Variants in DEFB112 observed in about 807,000 individuals in gnomAD.
The protein encoded by DEFB112 is defensin beta 112.
DEFB112 carries 2 observed loss-of-function variants against 1.1 expected under a neutral mutation model. The observed-to-expected ratio is 1.85, with a 90% CI of 0.76 to 5.83. The LOEUF is 5.83. Among genes scored for constraint, DEFB112 ranks in the 30% most tolerant of loss-of-function variants. DEFB112 has a pLI of 0.05. For missense variants in DEFB112, 120 were observed against 94.4 expected, an observed-to-expected ratio of 1.27 and a Z score of -1.12; for synonymous variants, 40 against 31.2, an observed-to-expected ratio of 1.28 and a Z score of -0.93.
At position 50,043,768 on chromosome 6, in the gene DEFB112, C is replaced by G; in HGVS notation, c.92G>C (p.Arg31Thr). The G allele has an allele frequency of 6.2e-7, 1 of 1,613,416 alleles. No homozygotes were observed. The highest frequency in any genetic ancestry group is 8.5e-7 in the Non-Finnish European group (1 of 1,179,498). Residue 31 changes from arginine to threonine, a missense_variant, in exon 2 of 2, where the codon AGG becomes ACG. Coordinates refer to ENST00000651554, the MANE Select transcript of DEFB112 (RefSeq NM_001369057.2). ...TCCAATCGCTGTACATGACTTCCAC[C>G]TACTAAAGGTGATATGGTGCCCTTC... ...RSEGHHITFS[R>T]WKSCTAIGGR...
At chr6:50,048,591 T>C (rs1774875512) in intron 1 of DEFB112, 1 of 1,613,734 alleles carries the variant, frequency 6.2e-7, no homozygotes, top group East Asian at 2.2e-5. Context: ...GTGGAAGATG[T>C]ATTTGTCTTT....
rs146541142 is a variant in DEFB112, at chr6:50,043,871, G to T, written c.59-70C>A. Reference sequence around the variant, plus strand: ...ACTCCCAAGATTTAAAAGAAGACATGGGAGTAATCACAGACAACAGAGGAG... The same window carrying T: ...ACTCCCAAGATTTAAAAGAAGACATTGGAGTAATCACAGACAACAGAGGAG... On this transcript the variant is annotated intron_variant, in intron 1 of 1. Coordinates refer to ENST00000651554, the MANE Select transcript of DEFB112 (RefSeq NM_001369057.2). The T allele has an allele frequency of 3.5e-4, 453 of 1,299,980 alleles. 1 individual carries two copies. The African/African-American group carries it at 5.8e-3, about 17-fold the overall frequency. 80.5% of individuals were successfully genotyped at this position (1,299,980 alleles called of 1,614,324 possible).
In DEFB112 at chr6:50,042,276, G is replaced by A. The variant is rs139126816; in HGVS notation, c.*1299C>T. On this transcript the variant is annotated 3_prime_UTR_variant, in exon 2 of 2. Coordinates refer to ENST00000651554, the MANE Select transcript of DEFB112 (RefSeq NM_001369057.2). ...AAATTGACACTGGTCAGAGAGCATA[G>A]TATTATACATATCAGGAATATCATA... Among the ~76,000 whole-genome samples the A allele has an allele frequency of 6.6e-6, 1 of 152,074 alleles. No individual in the cohort carries two copies. The highest frequency in any genetic ancestry group is 1.9e-4 in the East Asian group (1 of 5,172).
intron 1 of DEFB112, among the ~76,000 whole-genome samples, chr6:50,046,640 A>G: frequency 6.6e-6 from 1 of 151,732 alleles, no homozygotes; most frequent in East Asian, 1.9e-4. Context: ...TTTTTTTCAT[A>G]TTTCTGCTGA....
In DEFB112 at chr6:50,043,237, T is replaced by C. The variant is rs1230980293; in HGVS notation, c.*338A>G. ...TCAACTCTGTCCCCACTCCTGAGTC[T>C]CCTCAAAGAATTCTTGATAATACCT... On this transcript the variant is annotated 3_prime_UTR_variant, in exon 2 of 2. Transcript: ENST00000651554. 6.6e-6 allele frequency among the ~76,000 whole-genome samples: 1 copy of C among 152,024 alleles called. No homozygotes were observed. Among genetic ancestry groups the C allele is most frequent in the Non-Finnish European group, 1.5e-5 (1 of 67,966 alleles).
At chr6:50,044,117 G>A (rs1285140453) in intron 1 of DEFB112, among the ~76,000 whole-genome samples, 5 of 152,000 alleles carry the variant, frequency 3.3e-5, no homozygotes, top group Non-Finnish European at 7.4e-5. Flanking sequence ...TGAGTGGGAC[G>A]ATCTCCATCC....
At chr6:50,045,020 T>C (rs1774809359) in intron 1 of DEFB112, among the ~76,000 whole-genome samples, 1 of 152,028 alleles carries the variant, frequency 6.6e-6, no homozygotes, top group South Asian at 2.1e-4. Flanking sequence ...CCTTTTAACA[T>C]ACTCTGGATT....
At chr6:50,045,421 T>C (rs1774815179) in intron 1 of DEFB112, among the ~76,000 whole-genome samples, 1 of 152,108 alleles carries the variant, frequency 6.6e-6, no homozygotes, top group Non-Finnish European at 1.5e-5. Flanking sequence ...TGTCTTGAAT[T>C]AAACACTAAC....
chr6:50,047,305 G>T (rs1449670066), intron 1 of DEFB112, among the ~76,000 whole-genome samples: 1 of 152,162 alleles, frequency 6.6e-6, no homozygotes, highest in Non-Finnish European at 1.5e-5. Context: ...AGGCCATGGG[G>T]GCCTGCTCGG....
At chr6:50,048,699 A>G in intron 1 of DEFB112, 8 of 1,387,228 alleles carry the variant, frequency 5.8e-6, no homozygotes, top group Non-Finnish European at 8.1e-6. Flanking sequence ...TGAAAAAATT[A>G]CTTTAAAAGT....
chr6:50,044,394 C>G (rs1774800580), intron 1 of DEFB112, among the ~76,000 whole-genome samples: 1 of 152,072 alleles, frequency 6.6e-6, no homozygotes, highest in Admixed American at 6.6e-5. Context: ...AACATTTCAG[C>G]AAGGCTCATA....
At chr6:50,044,083 T>C (rs628337) in intron 1 of DEFB112, among the ~76,000 whole-genome samples, 45,108 of 151,950 alleles carry the variant, frequency 0.3, 10,009 homozygotes, top group African/African-American at 0.63. Context: ...GTCTGTCTTG[T>C]ACATTGACTA....
intron 1 of DEFB112, among the ~76,000 whole-genome samples, chr6:50,045,974 T>G (rs929252215): frequency 1.3e-5 from 2 of 152,122 alleles, no homozygotes; most frequent in Admixed American, 6.5e-5. Flanking sequence ...ACAATTCTGT[T>G]TTATGCTTTT....
At chr6:50,048,770 T>A (rs527857081) in intron 1 of DEFB112, 1 of 639,208 alleles carries the variant, frequency 1.6e-6, no homozygotes, top group South Asian at 2.1e-5. Flanking sequence ...TTAATGGTCC[T>A]ATATATTATA....
chr6:50,049,292 A>G (rs547891599), intron 1 of DEFB112, among the ~76,000 whole-genome samples: 43 of 152,244 alleles, frequency 2.8e-4, no homozygotes, highest in African/African-American at 9.9e-4. Flanking sequence ...AGCAAGATAA[A>G]GAAAAAGGAG....
rs962521410 is a variant in DEFB112, at chr6:50,042,823, T to G, written c.*752A>C. Among the ~76,000 whole-genome samples the G allele has an allele frequency of 3.3e-5, 5 of 152,004 alleles. No homozygotes were observed. On this transcript the variant is annotated 3_prime_UTR_variant, in exon 2 of 2. Coordinates refer to ENST00000651554, the MANE Select transcript of DEFB112 (RefSeq NM_001369057.2). ...GCATGCATACACACATATATAATTC[T>G]GTTACATTATTTTTTAAAAACTTAA...
chr6:50,047,008 T>C (rs925584271), intron 1 of DEFB112, among the ~76,000 whole-genome samples: 9 of 152,124 alleles, frequency 5.9e-5, no homozygotes, highest in Admixed American at 5.9e-4. Context: ...GAGCTCACCT[T>C]GTTCTTGGAC....
intron 1 of DEFB112, among the ~76,000 whole-genome samples, chr6:50,044,286 C>T (rs1774798648): frequency 2.0e-5 from 3 of 151,936 alleles, no homozygotes; most frequent in South Asian, 4.1e-4. Context: ...GATTTGCACC[C>T]TAGAGCCAAG....
intron 1 of DEFB112, among the ~76,000 whole-genome samples, chr6:50,045,081 C>T (rs1348193425): frequency 6.6e-6 from 1 of 151,774 alleles, no homozygotes; most frequent in East Asian, 1.9e-4. Flanking sequence ...ATGCAGTTAT[C>T]TTTGCTAATA....
Sources: allele counts gnomAD v4.1 joint callset (sites outside exome capture counted in the v4.1 genomes callset), GRCh38; gene constraint gnomAD v4.1.1; transcripts MANE v1.5; gene names NCBI Gene and HGNC (gene_info 2026-07-23, HGNC 2026-07-21).